The following NAALADL2 variants were observed in gnomAD, a reference collection of about 807,000 sequenced individuals.
NAALADL2 encodes inactive N-acetylated-alpha-linked acidic dipeptidase-like protein 2.
Under a neutral mutation model 87.2 loss-of-function variants are expected in NAALADL2, and 76 were observed. The ratio of observed to expected loss-of-function variants is 0.87; its 90% CI spans 0.72 to 1.05. The LOEUF (loss-of-function observed/expected upper bound fraction) is 1.05, where lower values mean the gene tolerates loss of function less well. Among genes scored for constraint, NAALADL2 ranks in the 50% least tolerant of loss-of-function variants. The probability of loss-of-function intolerance (pLI) is 0.00; values close to 1 mark genes in which losing one functional copy is unlikely to be tolerated. For synonymous variants in NAALADL2, 354 were observed against 331.0 expected, an observed-to-expected ratio of 1.07 and a Z score of -0.75; for missense variants, 1,089 against 945.8, an observed-to-expected ratio of 1.15 and a Z score of -1.99.
chr3:175,403,381 G>A (rs1711707960), intron 5 of NAALADL2, among the ~76,000 whole-genome samples: 1 of 151,566 alleles, frequency 6.6e-6, no homozygotes, highest in African/African-American at 2.4e-5. Flanking sequence ...GCTTTTATTT[G>A]GTTGCTACAA....
intron 3 of NAALADL2, among the ~76,000 whole-genome samples, chr3:174,804,163 TCTC>T (rs1261188528): frequency 3.9e-5 from 6 of 152,142 alleles, no homozygotes; most frequent in African/African-American, 1.4e-4. Context: ...GGTTTGTAGT[TCTC>T]CTTGAGGAGG....
intron 2 of NAALADL2, among the ~76,000 whole-genome samples, chr3:175,196,785 A>G (rs9859269): frequency 0.84 from 126,979 of 151,804 alleles, 53,515 homozygotes; most frequent in East Asian, 0.91. Flanking sequence ...TTTAACAATG[A>G]TCCTTACACT....
intron 1 of NAALADL2, among the ~76,000 whole-genome samples, chr3:175,044,967 C>T (rs1226603563): frequency 6.6e-6 from 1 of 151,032 alleles, no homozygotes; most frequent in Non-Finnish European, 1.5e-5. Context: ...ATTTGATTAT[C>T]CCTTTACACA....
chr3:175,013,400 G>C (rs1453831367), intron 1 of NAALADL2, among the ~76,000 whole-genome samples: 5 of 143,856 alleles, frequency 3.5e-5, no homozygotes, highest in Admixed American at 2.9e-4. Context: ...CTGGGTTCAA[G>C]TGATTCTTAT....
chr3:174,617,959 C>G (rs762616552), intron 2 of NAALADL2, among the ~76,000 whole-genome samples: 12 of 151,720 alleles, frequency 7.9e-5, no homozygotes, highest in African/African-American at 2.7e-4. Context: ...TAGTTATTCT[C>G]CATCTTCACT....
intron 4 of NAALADL2, among the ~76,000 whole-genome samples, chr3:175,300,788 T>C (rs1224655465): frequency 8.9e-6 from 1 of 112,618 alleles, no homozygotes; most frequent in African/African-American, 3.6e-5. Context: ...TATTTATTTA[T>C]TTTATTTTAT....
At chr3:175,059,705 T>C in intron 1 of NAALADL2, 1 of 309,990 alleles carries the variant, frequency 3.2e-6, no homozygotes, top group Non-Finnish European at 6.2e-6. Context: ...ACCTTCCTCC[T>C]CCTTATCAGA....
intron 1 of NAALADL2, among the ~76,000 whole-genome samples, chr3:174,887,419 C>T (rs1730306209): frequency 6.6e-6 from 1 of 151,880 alleles, no homozygotes; most frequent in Admixed American, 6.6e-5. Flanking sequence ...AGTAGGTCAC[C>T]ATATACATTC....
intron 4 of NAALADL2, among the ~76,000 whole-genome samples, chr3:175,285,204 T>G (rs1350430408): frequency 6.6e-6 from 1 of 152,170 alleles, no homozygotes; most frequent in African/African-American, 2.4e-5. Flanking sequence ...CCTATAAAAC[T>G]TTTTAGTTAC....
intron 11 of NAALADL2, among the ~76,000 whole-genome samples, chr3:175,706,309 C>A (rs1739705694): frequency 6.6e-6 from 1 of 152,016 alleles, no homozygotes; most frequent in African/African-American, 2.4e-5. Flanking sequence ...TAGATAGTAC[C>A]AAACTCTAAA....
intron 1 of NAALADL2, among the ~76,000 whole-genome samples, chr3:174,506,881 G>A (rs10936803): frequency 0.71 from 107,234 of 151,690 alleles, 38,089 homozygotes; most frequent in East Asian, 0.9. Flanking sequence ...TTTTATTAGT[G>A]TGGGCCTCTT....
At chr3:175,083,829 T>G in intron 1 of NAALADL2, among the ~76,000 whole-genome samples, 1 of 152,356 alleles carries the variant, frequency 6.6e-6, no homozygotes, top group Non-Finnish European at 1.5e-5. Context: ...AATTCTATAC[T>G]TTCTTTAAGA....
chr3:175,058,074 C>T (rs1295532712), intron 1 of NAALADL2, among the ~76,000 whole-genome samples: 1 of 152,130 alleles, frequency 6.6e-6, no homozygotes, highest in East Asian at 1.9e-4. Context: ...TTAAATAGAA[C>T]AGTGATTTTT....
chr3:174,618,864 C>T (rs1373437601), intron 2 of NAALADL2, among the ~76,000 whole-genome samples: 1 of 151,806 alleles, frequency 6.6e-6, no homozygotes, highest in African/African-American at 2.4e-5. Context: ...GTAACAACTT[C>T]CTCTATTAAC....
At chr3:175,168,739 C>A (rs1026938776) in intron 2 of NAALADL2, among the ~76,000 whole-genome samples, 11 of 151,648 alleles carry the variant, frequency 7.3e-5, no homozygotes, top group Non-Finnish European at 1.6e-4. Flanking sequence ...GGGAGATCTA[C>A]AAAATCAATT....
Position 175,097,257 on chromosome 3 carries a change from A to G in NAALADL2, c.511A>G (p.Thr171Ala). The change falls in exon 2 of 14, where the codon ACA becomes GCA. Residue 171 changes from threonine to alanine, a missense_variant. Physicochemically the swap from Thr to Ala is moderately conservative, Grantham distance 58. Coordinates refer to ENST00000454872, the MANE Select transcript of NAALADL2 (RefSeq NM_207015.3). ...TCAGTTATATCAAGAGATTCTCAAG[A>G]CAATCCAGGCAGAAGATATTAAGAA... ...DPQLYQEILK[T>A]IQAEDIKKSF... 6.2e-7 allele frequency: 1 copy of G among 1,612,748 alleles called. No individual in the cohort carries two copies. The highest frequency in any genetic ancestry group is 8.5e-7 in the Non-Finnish European group (1 of 1,179,120).
intron 1 of NAALADL2, among the ~76,000 whole-genome samples, chr3:174,493,891 A>T (rs1172989160): frequency 2.6e-5 from 4 of 152,210 alleles, no homozygotes; most frequent in Non-Finnish European, 5.9e-5. Context: ...CAGATAATTA[A>T]AATATTGTTT....
intron 9 of NAALADL2, among the ~76,000 whole-genome samples, chr3:175,537,605 A>G (rs993781391): frequency 2.7e-4 from 41 of 152,326 alleles, no homozygotes; most frequent in Admixed American, 3.3e-4. Flanking sequence ...AATTTAAGAT[A>G]CAGATTCAGT....
intron 1 of NAALADL2, among the ~76,000 whole-genome samples, chr3:175,093,121 A>C (rs1435134988): frequency 6.6e-6 from 1 of 151,794 alleles, no homozygotes; most frequent in African/African-American, 2.4e-5. Flanking sequence ...AAACTAACCA[A>C]ATCATCTGCA....
Sources: allele counts gnomAD v4.1 joint callset (sites outside exome capture counted in the v4.1 genomes callset), GRCh38; gene constraint gnomAD v4.1.1; transcripts MANE v1.5; gene names NCBI Gene and HGNC (gene_info 2026-07-23, HGNC 2026-07-21).